The following QPCTL variants were observed in gnomAD, a reference collection of about 807,000 sequenced individuals.
QPCTL encodes the protein glutaminyl-peptide cyclotransferase-like protein.
In QPCTL, 31 loss-of-function variants were observed where a neutral mutation model predicts 34.6. That is an observed-to-expected ratio of 0.90 (90% CI 0.67 to 1.21). The LOEUF (loss-of-function observed/expected upper bound fraction) is 1.21. Ranked by LOEUF, QPCTL falls within the 50% of genes most tolerant of loss-of-function variation. The pLI, the probability that QPCTL is intolerant of heterozygous loss-of-function variation, is 0.00. For synonymous variants in QPCTL, 223 were observed against 226.9 expected (o/e 0.98, Z 0.15); for missense variants, 474 against 507.8 (o/e 0.93, Z 0.64).
chr19:45,695,669 T>A lies in QPCTL; in HGVS notation c.584T>A (p.Leu195Gln). ...TDSAVPCALL[L>Q]ELAQALDLEL... ...TCGGCTGTGCCCTGTGCCCTGCTGC[T>A]GGAGCTGGCCCAAGCACTTGACCTG... Residue 195 changes from leucine to glutamine, a missense_variant, in exon 3 of 7, where the codon CTG becomes CAG. Transcript: ENST00000012049. 1 of 1,613,558 alleles carries A rather than the reference T, an allele frequency of 6.2e-7. No individual in the cohort carries two copies. The highest frequency in any genetic ancestry group is 8.5e-7 in the Non-Finnish European group (1 of 1,179,918).
At position 45,698,592 on chromosome 19, in the gene QPCTL, G is replaced by A; in HGVS notation, c.679G>A (p.Ala227Thr). The stretch of plus-strand genomic sequence containing the variant: ...ACTGCTCTTCTTGGATGGTGAAGAG[G>A]CGCTGAAGGAGTGGGGACCCAAGGA... ...LQLLFLDGEE[A>T]LKEWGPKDSL... The change falls in exon 4 of 7, where the codon GCG (alanine) becomes ACG (threonine). Residue 227 changes from alanine (A) to threonine (T), a missense_variant. Transcript: ENST00000012049. 1 of 1,614,158 alleles carries A rather than the reference G, an allele frequency of 6.2e-7. No individual in the cohort carries two copies. Among genetic ancestry groups the A allele is most frequent in the East Asian group, 2.2e-5 (1 of 44,880 alleles).
At chr19:45,692,968 C>G in intron 1 of QPCTL, 58 bp downstream of exon 1, 1 of 1,487,508 alleles carries the variant, frequency 6.7e-7, no homozygotes, top group Non-Finnish European at 9.0e-7. Flanking sequence ...CCCGCTGTTA[C>G]CCAGGGTTGA....
In QPCTL at chr19:45,694,459, T is replaced by TTTTTATTTTATTTTA. The variant is rs148422945; in HGVS notation, c.351+918_351+932dup. Among the ~76,000 whole-genome samples the TTTTTATTTTATTTTA allele has an allele frequency of 5.3e-4, 79 of 149,472 alleles. 1 individual carries two copies. The highest frequency in any genetic ancestry group is 1.7e-3 in the African/African-American group (71 of 40,960). On this transcript the variant is annotated intron_variant, in intron 2 of 6. Transcript: ENST00000012049. ...AGATTGTGACCTTGGACTGGTTTCT[T>TTTTTATTTTATTTTA]TTTTATTTTATTTTATTTTATTTTA... is the stretch of plus-strand genomic sequence containing the variant.
chr19:45,693,683 T>C (rs912207526), intron 2 of QPCTL, 127 bp downstream of exon 2: 10 of 1,314,792 alleles, frequency 7.6e-6, no homozygotes, highest in Non-Finnish European at 9.1e-6. Context: ...AATCGGACTC[T>C]AGACTCCATG....
At chr19:45,695,934 C>T (rs1380847664) in intron 3 of QPCTL, among the ~76,000 whole-genome samples, 2 of 151,988 alleles carry the variant, frequency 1.3e-5, no homozygotes, top group Non-Finnish European at 2.9e-5. Context: ...GCAACCTCTG[C>T]CTACTGGGTT....
chr19:45,695,578 C>T lies in QPCTL; in HGVS notation c.493C>T (p.Leu165Phe). The change falls in exon 3 of 7, where the codon CTT (leucine) becomes TTT (phenylalanine). Residue 165 changes from leucine to phenylalanine, a missense_variant. By Grantham distance (22) the Leu-to-Phe change is conservative. Transcript: ENST00000012049. ...LDPRAARHLTLACHYDSKLFP... is the reference protein window; with the variant it reads ...LDPRAARHLTFACHYDSKLFP... ...CCCAAGGGCTGCCCGTCACCTCACC[C>T]TTGCCTGCCATTATGACTCGAAGCT... 5 of 1,614,152 alleles carry T rather than the reference C, an allele frequency of 3.1e-6. No individual in the cohort carries two copies. The highest frequency in any genetic ancestry group is 4.2e-6 in the Non-Finnish European group (5 of 1,180,018).
At chr19:45,693,320 C>A (rs779133749) in intron 1 of QPCTL, 93 bp from the exon 2 acceptor site, 60 of 1,448,794 alleles carry the variant, frequency 4.1e-5, no homozygotes, top group Non-Finnish European at 5.5e-5. Flanking sequence ...GGAAGAGAAC[C>A]CGGGGCTCCT....
rs1488940732 is a variant in QPCTL at position 45,698,690 on chromosome 19, C to T, written c.777C>T (p.Ile259=). 6.2e-7 allele frequency: 1 copy of T among 1,614,116 alleles called. No homozygotes were observed. The change falls in exon 4 of 7, where the codon ATC becomes ATT. Residue 259 remains isoleucine (I), a synonymous_variant. Transcript: ENST00000012049. ...CTCACAGCCCCGGCCCCACCAGGAT[C>T]CAGGCTATTGTAAGACCAGGGTCCC... ...SIPHSPGPTR[I]QAIELFMLLD...
intron 3 of QPCTL, among the ~76,000 whole-genome samples, chr19:45,697,444 GAAAAA>G (rs1245964662): frequency 6.8e-6 from 1 of 147,934 alleles, no homozygotes; most frequent in Non-Finnish European, 1.5e-5. Flanking sequence ...AAAAAAGAAA[GAAAAA>G]AAAGAAAAGA....
At position 45,695,618 on chromosome 19, in the gene QPCTL, C is replaced by T. The variant is rs750481449; in HGVS notation, c.533C>T (p.Ser178Leu). 18 of 1,613,930 alleles carry T rather than the reference C, an allele frequency of 1.1e-5. No individual in the cohort carries two copies. The highest frequency in any genetic ancestry group is 3.3e-5 in the South Asian group (3 of 91,086). The change falls in exon 3 of 7, where the codon TCG becomes TTG. Residue 178 changes from serine to leucine, a missense_variant. Coordinates refer to ENST00000012049, the MANE Select transcript of QPCTL (RefSeq NM_017659.4). Reference sequence around the variant, plus strand: ...GACTCGAAGCTCTTCCCACCCGGATCGACCCCCTTTGTAGGGGCCACGGAT... The same window carrying T: ...GACTCGAAGCTCTTCCCACCCGGATTGACCCCCTTTGTAGGGGCCACGGAT... ...HYDSKLFPPG[S>L]TPFVGATDSA...
In QPCTL at chr19:45,701,761, G is replaced by GTC. The variant is rs775294810; in HGVS notation, c.887-37_887-36insTC. 7 of 1,532,504 alleles carry GTC rather than the reference G, an allele frequency of 4.6e-6. 1 individual carries two copies. The East Asian group carries it at 1.6e-4, about 35-fold the overall frequency. The allele number at this position is 1,532,504 out of a possible 1,614,324, so 94.9% of individuals were successfully genotyped here. On this transcript the variant is annotated intron_variant, in intron 5 of 6. Transcript: ENST00000012049. ...TGGACTGGGGACCTTCGACTACTAA[G>GTC]GACTAACCCTTCCTCTCTAATCGCC...
chr19:45,695,629 G>A lies in QPCTL; in HGVS notation c.544G>A (p.Val182Ile). 3 of 1,614,026 alleles carry A rather than the reference G, an allele frequency of 1.9e-6. No homozygotes were observed. Among genetic ancestry groups the A allele is most frequent in the Non-Finnish European group, 2.5e-6 (3 of 1,179,972 alleles). The change falls in exon 3 of 7, where the codon GTA (valine) becomes ATA (isoleucine). Residue 182 changes from valine to isoleucine, a missense_variant. Transcript: ENST00000012049. ...KLFPPGSTPF[V>I]GATDSAVPCA... ...CTTCCCACCCGGATCGACCCCCTTT[G>A]TAGGGGCCACGGATTCGGCTGTGCC... is the stretch of plus-strand genomic sequence containing the variant.
chr19:45,694,131 G>C (rs1967643408), intron 2 of QPCTL, among the ~76,000 whole-genome samples: 1 of 152,188 alleles, frequency 6.6e-6, no homozygotes, highest in African/African-American at 2.4e-5. Context: ...TCTAATCCCA[G>C]CACTTTGGGA....
chr19:45,695,829 C>A, intron 3 of QPCTL, 111 bp downstream of exon 3: 1 of 1,255,986 alleles, frequency 8.0e-7, no homozygotes, highest in Non-Finnish European at 1.1e-6. Context: ...CTCTACTCCA[C>A]GCACAGAGCC....
intron 6 of QPCTL, 30 bp downstream of exon 6, chr19:45,701,944 G>A (rs1178397314): frequency 6.4e-6 from 10 of 1,568,504 alleles, no homozygotes; most frequent in Non-Finnish European, 8.8e-6. Context: ...ATGGAGGGTG[G>A]GTGTCCAAGG....
chr19:45,693,425 G>A lies in QPCTL; in HGVS notation c.220G>A (p.Gly74Arg), dbSNP rs764641757. 15 of 1,610,750 alleles carry A rather than the reference G, an allele frequency of 9.3e-6. No homozygotes were observed. Among genetic ancestry groups the A allele is most frequent in the Non-Finnish European group, 1.3e-5 (15 of 1,178,194 alleles). The stretch of plus-strand genomic sequence containing the variant: ...CCTCCTTCCCAAGGTCCCATTGATC[G>A]GAAGCCTCCCCGAAGCCCGGCTGCG... ...LGRELRVPLI[G>R]SLPEARLRRV... Residue 74 changes from glycine to arginine, a missense_variant, in exon 2 of 7, where the codon GGA (glycine) becomes AGA (arginine). Gly to Arg is a moderately radical substitution (Grantham distance 125, BLOSUM62 -2). Transcript: ENST00000012049.
At position 45,693,351 on chromosome 19, in the gene QPCTL, G is replaced by T; in HGVS notation, c.208-62G>T. 5 of 1,539,570 alleles carry T rather than the reference G, an allele frequency of 3.2e-6. No homozygotes were observed. In the East Asian group the frequency reaches 9.1e-5, roughly 28 times the overall value. On this transcript the variant is annotated intron_variant, in intron 1 of 6. Coordinates refer to ENST00000012049, the MANE Select transcript of QPCTL (RefSeq NM_017659.4). ...CTCCTCGCGGGTGACGGCGCCCGGG[G>T]TAGGGTTGAAATGGGGGGGTTGCTC... is the stretch of plus-strand genomic sequence containing the variant.
At chr19:45,692,955 C>G (rs1274167572) in intron 1 of QPCTL, 45 bp downstream of exon 1, 1 of 1,504,846 alleles carries the variant, frequency 6.6e-7, no homozygotes, top group Non-Finnish European at 8.9e-7. Flanking sequence ...CCCTCATTCC[C>G]TCCCCGCTGT....
intron 4 of QPCTL, 43 bp downstream of exon 4, chr19:45,698,742 G>T: frequency 1.9e-6 from 3 of 1,613,726 alleles, no homozygotes; most frequent in Non-Finnish European, 2.5e-6. Flanking sequence ...GAGGGAGCAG[G>T]TTAAGCAGGG....
Sources: gnomAD v4.1 joint callset for allele counts (sites outside exome capture counted in the v4.1 genomes callset) on GRCh38, gnomAD v4.1.1 for gene constraint, MANE v1.5 for transcripts, NCBI Gene and HGNC (gene_info 2026-07-23, HGNC 2026-07-21) for gene names.